PRICKLE1: variants seen among roughly 807,000 people sequenced by gnomAD.
PRICKLE1 encodes prickle-like protein 1.
In PRICKLE1, 14 loss-of-function variants were observed where a neutral mutation model predicts 70.2. The ratio of observed to expected loss-of-function variants is 0.20; its 90% CI spans 0.13 to 0.31. The LOEUF is 0.31. PRICKLE1 is among the 10% of genes least tolerant of loss of function. PRICKLE1 has a pLI of 1.00. For synonymous variants in PRICKLE1, 357 were observed against 379.9 expected (o/e 0.94, Z 0.70); for missense variants, 821 against 1,026.2 (o/e 0.80, Z 2.73).
intron 1 of PRICKLE1, among the ~76,000 whole-genome samples, chr12:42,588,474 G>A (rs1352115443): frequency 6.6e-6 from 1 of 151,876 alleles, no homozygotes; most frequent in African/African-American, 2.4e-5. Flanking sequence ...CTGCAGGAGA[G>A]GCAGATTTTT....
chr12:42,479,959 A>G (rs535235531), intron 1 of PRICKLE1, among the ~76,000 whole-genome samples: 1 of 152,300 alleles, frequency 6.6e-6, no homozygotes, highest in East Asian at 1.9e-4. Flanking sequence ...CATCTTAAAA[A>G]AAAAAAAAAT....
intron 1 of PRICKLE1, among the ~76,000 whole-genome samples, chr12:42,535,698 T>G (rs1940006516): frequency 6.6e-6 from 1 of 152,180 alleles, no homozygotes; most frequent in Admixed American, 6.5e-5. Flanking sequence ...GCAGGAGGAT[T>G]GCTTGAGCCC....
chr12:42,485,851 T>C (rs1158670985), intron 1 of PRICKLE1, among the ~76,000 whole-genome samples: 1 of 152,232 alleles, frequency 6.6e-6, no homozygotes, highest in Non-Finnish European at 1.5e-5. Context: ...TTGTTATATT[T>C]TCAACAGGTA....
chr12:42,575,241 AC>A (rs1353227905), intron 1 of PRICKLE1, among the ~76,000 whole-genome samples: 1 of 152,218 alleles, frequency 6.6e-6, no homozygotes, highest in East Asian at 1.9e-4. Context: ...TTATGAAGGA[AC>A]ACAGAGAGCT....
intron 1 of PRICKLE1, among the ~76,000 whole-genome samples, chr12:42,586,867 C>T (rs781134864): frequency 6.2e-4 from 94 of 152,128 alleles, no homozygotes; most frequent in Admixed American, 1.5e-3. Flanking sequence ...AAAGAAACTG[C>T]AAAATTTAAC....
intron 1 of PRICKLE1, among the ~76,000 whole-genome samples, chr12:42,499,993 C>T (rs1167026242): frequency 6.6e-6 from 1 of 152,090 alleles, no homozygotes; most frequent in African/African-American, 2.4e-5. Flanking sequence ...TCAAGTGATC[C>T]ACCTGCCTTG....
intron 1 of PRICKLE1, among the ~76,000 whole-genome samples, chr12:42,518,105 T>G (rs576886920): frequency 5.6e-4 from 83 of 148,560 alleles, no homozygotes; most frequent in African/African-American, 1.9e-3. Context: ...TTCTGAGGAT[T>G]TTTTTTTTTT....
intron 1 of PRICKLE1, among the ~76,000 whole-genome samples, chr12:42,513,858 G>A (rs1042075821): frequency 6.6e-6 from 1 of 152,016 alleles, no homozygotes; most frequent in African/African-American, 2.4e-5. Flanking sequence ...TTAGCCAGGC[G>A]TGGTGGTGCA....
chr12:42,554,567 A>G (rs1436153555), intron 1 of PRICKLE1, among the ~76,000 whole-genome samples: 1 of 152,212 alleles, frequency 6.6e-6, no homozygotes, highest in Non-Finnish European at 1.5e-5. Context: ...ACTCGTTTGC[A>G]GTTTACAAGT....
At chr12:42,512,509 C>T (rs2099310329) in intron 1 of PRICKLE1, among the ~76,000 whole-genome samples, 1 of 152,130 alleles carries the variant, frequency 6.6e-6, no homozygotes, top group African/African-American at 2.4e-5. Context: ...ATAATTTCAG[C>T]AAGCATTTTA....
rs932529413 is a variant in PRICKLE1 at position 42,458,242 on chromosome 12, C to T, written c.*1567G>A. ...AAGTGGGGCGTGTGGACACACGAGA[C>T]AAATGGAGGTCTGTTAATGGTAGGG... On this transcript the variant is annotated 3_prime_UTR_variant, in exon 8 of 8. Coordinates refer to ENST00000345127, the MANE Select transcript of PRICKLE1 (RefSeq NM_153026.3). The T allele has an allele frequency of 6.6e-6, 1 of 152,152 alleles. No homozygotes were observed. Among genetic ancestry groups the T allele is most frequent in the Non-Finnish European group, 1.5e-5 (1 of 68,038 alleles). The allele number at this position is 152,152 out of a possible 1,614,324, so 9.4% of individuals were successfully genotyped here.
intron 1 of PRICKLE1, chr12:42,525,153 A>G (rs982698331): frequency 2.0e-5 from 3 of 152,312 alleles, no homozygotes; most frequent in African/African-American, 7.2e-5. Flanking sequence ...TCATACCTAC[A>G]TAATGATAAA....
intron 1 of PRICKLE1, among the ~76,000 whole-genome samples, chr12:42,515,082 C>T (rs1281873627): frequency 2.6e-5 from 4 of 151,768 alleles, no homozygotes; most frequent in African/African-American, 9.7e-5. Flanking sequence ...CCACGCCTGA[C>T]TAACTTTTCT....
intron 1 of PRICKLE1, among the ~76,000 whole-genome samples, chr12:42,526,459 A>G (rs952505034): frequency 2.0e-5 from 3 of 152,128 alleles, no homozygotes; most frequent in African/African-American, 7.2e-5. Flanking sequence ...TGGAAAGTGA[A>G]TAGTAATACA....
intron 5 of PRICKLE1, 143 bp downstream of exon 5, chr12:42,468,483 G>A (rs920565845): frequency 3.8e-6 from 3 of 799,942 alleles, no homozygotes; most frequent in Non-Finnish European, 6.2e-6. Flanking sequence ...TCATTTCATT[G>A]TATGAATGTA....
intron 1 of PRICKLE1, among the ~76,000 whole-genome samples, chr12:42,478,168 A>AT (rs1029698344): frequency 4.0e-5 from 6 of 151,810 alleles, no homozygotes; most frequent in Non-Finnish European, 7.4e-5. Context: ...TTGAGAGTGT[A>AT]TTTTTTTACA....
At chr12:42,548,457 C>G (rs1278753957) in intron 1 of PRICKLE1, among the ~76,000 whole-genome samples, 1 of 152,144 alleles carries the variant, frequency 6.6e-6, no homozygotes, top group Non-Finnish European at 1.5e-5. Flanking sequence ...AAGCGGGGAA[C>G]CCAAAGAGGG....
intron 1 of PRICKLE1, among the ~76,000 whole-genome samples, chr12:42,551,548 A>G (rs1281594819): frequency 6.6e-6 from 1 of 152,200 alleles, no homozygotes; most frequent in Non-Finnish European, 1.5e-5. Flanking sequence ...CAAAGTCCCC[A>G]CTGAATGGCT....
chr12:42,533,287 T>C (rs1939956415), intron 1 of PRICKLE1, among the ~76,000 whole-genome samples: 1 of 152,060 alleles, frequency 6.6e-6, no homozygotes, highest in South Asian at 2.1e-4. Flanking sequence ...AATCGTTATG[T>C]TATTTAATAT....
Sources: gnomAD v4.1 joint callset for allele counts (sites outside exome capture counted in the v4.1 genomes callset) on GRCh38, gnomAD v4.1.1 for gene constraint, MANE v1.5 for transcripts, NCBI Gene and HGNC (gene_info 2026-07-23, HGNC 2026-07-21) for gene names.